Variants in CTNNA2 observed in about 807,000 individuals in gnomAD.
CTNNA2 encodes the protein catenin alpha-2.
CTNNA2 carries 42 observed loss-of-function variants against 101.0 expected under a neutral mutation model. The ratio of observed to expected loss-of-function variants is 0.42; its 90% CI spans 0.32 to 0.54. The LOEUF is 0.54. Among genes scored for constraint, CTNNA2 ranks in the 20% least tolerant of loss-of-function variants. The pLI is 0.14. For missense variants in CTNNA2, 871 were observed against 1,223.1 expected (o/e 0.71, Z 4.29); for synonymous variants, 450 against 456.4 (o/e 0.99, Z 0.18).
At chr2:79,388,976 T>C (rs1678137310) in intron 4 of CTNNA2, among the ~76,000 whole-genome samples, 1 of 152,174 alleles carries the variant, frequency 6.6e-6, no homozygotes, top group Admixed American at 6.5e-5. Context: ...ACATTTAACC[T>C]GGTTTGCCAT....
chr2:80,593,836 A>G (rs181032679), intron 15 of CTNNA2, among the ~76,000 whole-genome samples: 1 of 152,294 alleles, frequency 6.6e-6, no homozygotes, highest in East Asian at 1.9e-4. Flanking sequence ...ATAATGTTCC[A>G]TTGAATGCAT....
In CTNNA2 at chr2:80,015,400, C is replaced by G. The variant is rs538550934; in HGVS notation, c.1056+105603C>G. 3.3e-5 allele frequency among the ~76,000 whole-genome samples: 5 copies of G among 152,232 alleles called. No individual in the cohort carries two copies. The East Asian group carries it at 9.7e-4, about 30-fold the overall frequency. ...CAGGGCTCGTTCACAGCCATTGCAT[C>G]AAGCAATGGAACCATCAGATCGCTG... On this transcript the variant is annotated intron_variant, in intron 7 of 18. Coordinates refer to ENST00000402739, the MANE Select transcript of CTNNA2 (RefSeq NM_001282597.3).
At chr2:80,276,659 G>GGAGGAGGAGGAGGAAGAAGAAGAA in intron 7 of CTNNA2, among the ~76,000 whole-genome samples, 1 of 151,916 alleles carries the variant, frequency 6.6e-6, no homozygotes, top group African/African-American at 2.4e-5. Context: ...AGGAGAAGGA[G>GGAGGAGGAGGAGGAAGAAGAAGAA]GAGGAGGAGG....
intron 1 of CTNNA2, chr2:79,573,789 A>C (rs1198139498): frequency 1.3e-5 from 2 of 152,166 alleles, no homozygotes; most frequent in East Asian, 3.8e-4. Context: ...TTTCATGTTG[A>C]TAGCACTTGT....
At chr2:79,743,136 C>T (rs1373046113) in intron 2 of CTNNA2, among the ~76,000 whole-genome samples, 4 of 150,916 alleles carry the variant, frequency 2.7e-5, no homozygotes, top group South Asian at 2.1e-4. Flanking sequence ...TAAATATCAA[C>T]GAAAATAAAC....
chr2:80,430,241 C>T (rs1004785775), intron 9 of CTNNA2, among the ~76,000 whole-genome samples: 1 of 152,086 alleles, frequency 6.6e-6, no homozygotes, highest in African/African-American at 2.4e-5. Context: ...AAATAGAGGG[C>T]AATTAACTAT....
chr2:79,330,671 T>A (rs762399416), intron 3 of CTNNA2, among the ~76,000 whole-genome samples: 6 of 152,180 alleles, frequency 3.9e-5, no homozygotes, highest in African/African-American at 7.2e-5. Context: ...TTTCCTGTGC[T>A]GTTCGCATGA....
chr2:80,316,197 TAG>T (rs1392660963), intron 7 of CTNNA2, among the ~76,000 whole-genome samples: 1 of 152,074 alleles, frequency 6.6e-6, no homozygotes, highest in East Asian at 1.9e-4. Flanking sequence ...CGTGAATAGC[TAG>T]AGAGAGAGGA....
intron 7 of CTNNA2, among the ~76,000 whole-genome samples, chr2:80,032,236 G>C (rs573343542): frequency 6.6e-6 from 1 of 152,080 alleles, no homozygotes; most frequent in African/African-American, 2.4e-5. Context: ...AAAAATACAC[G>C]TTCTTCAGGG....
chr2:80,360,972 A>G lies in CTNNA2; in HGVS notation c.1057-32239A>G, dbSNP rs551822670. Among the ~76,000 whole-genome samples, 22 of 152,070 alleles carry G rather than the reference A, an allele frequency of 1.4e-4. No homozygotes were observed. In the East Asian group the frequency reaches 4.1e-3, roughly 28 times the overall value. Reference sequence around the variant, plus strand: ...ATTATAGTGGGTTTTTTTTAAATAGATGATTTTCCAGAACCTGATTTTTAC... The same window carrying G: ...ATTATAGTGGGTTTTTTTTAAATAGGTGATTTTCCAGAACCTGATTTTTAC... On this transcript the variant is annotated intron_variant, in intron 7 of 18. Coordinates refer to ENST00000402739, the MANE Select transcript of CTNNA2 (RefSeq NM_001282597.3).
At chr2:79,349,208 T>C (rs1168605086) in intron 3 of CTNNA2, among the ~76,000 whole-genome samples, 1 of 152,144 alleles carries the variant, frequency 6.6e-6, no homozygotes, top group African/African-American at 2.4e-5. Context: ...GCAGCATCAG[T>C]AGGTAATGAG....
intron 7 of CTNNA2, among the ~76,000 whole-genome samples, chr2:80,250,931 A>G (rs1021742004): frequency 2.0e-5 from 3 of 152,184 alleles, no homozygotes; most frequent in Non-Finnish European, 4.4e-5. Flanking sequence ...CAGACACCCA[A>G]TACAAATACT....
chr2:79,483,789 A>AT (rs545708063), intron 4 of CTNNA2, among the ~76,000 whole-genome samples: 171 of 152,252 alleles, frequency 1.1e-3, no homozygotes, highest in African/African-American at 3.7e-3. Context: ...CGTATGCCAC[A>AT]TTTTCTTTAT....
intron 6 of CTNNA2, among the ~76,000 whole-genome samples, chr2:79,895,329 C>G (rs1009136380): frequency 6.6e-6 from 1 of 152,130 alleles, no homozygotes; most frequent in African/African-American, 2.4e-5. Context: ...TGAGTTTATG[C>G]TCAAGGTGTA....
intron 3 of CTNNA2, among the ~76,000 whole-genome samples, chr2:79,856,396 C>T (rs551308926): frequency 6.6e-6 from 1 of 152,296 alleles, no homozygotes; most frequent in Admixed American, 6.5e-5. Flanking sequence ...GATGCACAGA[C>T]TTTCCATGCT....
chr2:79,595,821 A>G (rs1677153714), intron 1 of CTNNA2, among the ~76,000 whole-genome samples: 1 of 151,744 alleles, frequency 6.6e-6, no homozygotes. Flanking sequence ...TAAACTGATC[A>G]TGTGCTGTTT....
intron 1 of CTNNA2, among the ~76,000 whole-genome samples, chr2:79,550,812 A>G (rs1674054203): frequency 6.6e-6 from 1 of 152,108 alleles, no homozygotes; most frequent in Admixed American, 6.5e-5. Flanking sequence ...TGAGAAACCT[A>G]ATATACCCAC....
chr2:80,430,581 C>A (rs182424699), intron 9 of CTNNA2, among the ~76,000 whole-genome samples: 1 of 152,220 alleles, frequency 6.6e-6, no homozygotes, highest in African/African-American at 2.4e-5. Flanking sequence ...TGCCTACCCT[C>A]ACCATAATAA....
intron 7 of CTNNA2, among the ~76,000 whole-genome samples, chr2:80,204,924 T>C (rs1208514907): frequency 3.9e-5 from 6 of 151,910 alleles, no homozygotes; most frequent in East Asian, 1.9e-4. Flanking sequence ...ACATCTCACA[T>C]AGATGTCAGC....
Sources: allele counts gnomAD v4.1 joint callset (sites outside exome capture counted in the v4.1 genomes callset), GRCh38; gene constraint gnomAD v4.1.1; transcripts MANE v1.5; gene names NCBI Gene and HGNC (gene_info 2026-07-23, HGNC 2026-07-21).